The following HIP1R variants were observed in gnomAD, a reference collection of about 807,000 sequenced individuals.
HIP1R encodes huntingtin-interacting protein 1-related protein.
In HIP1R, 135 loss-of-function variants were observed where a neutral mutation model predicts 144.2. The observed-to-expected ratio is 0.94, with a 90% CI of 0.81 to 1.08. HIP1R has a LOEUF of 1.08. Ranked by LOEUF, HIP1R falls within the 50% of genes least tolerant of loss-of-function variation. HIP1R has a pLI of 0.00. For synonymous variants in HIP1R, 698 were observed against 612.8 expected (o/e 1.14, Z -2.05); for missense variants, 1,462 against 1,432.8 (o/e 1.02, Z -0.33).
chr12:122,839,526 A>C (rs1033821231), intron 1 of HIP1R, among the ~76,000 whole-genome samples: 4 of 152,220 alleles, frequency 2.6e-5, no homozygotes, highest in Non-Finnish European at 4.4e-5. Flanking sequence ...ATACATGCTT[A>C]GCATCCCCCG....
chr12:122,840,259 G>A lies in HIP1R; in HGVS notation c.93+4616G>A, dbSNP rs1478674490. Among the ~76,000 whole-genome samples the A allele has an allele frequency of 6.6e-6, 1 of 152,208 alleles. No individual in the cohort carries two copies. Among genetic ancestry groups the A allele is most frequent in the Non-Finnish European group, 1.5e-5 (1 of 68,050 alleles). Reference sequence around the variant, plus strand: ...CTCCCTGTCTCTGATGTGTTTTGATGCCCATGACACATTCCTGAGCGCCGC... The same window carrying A: ...CTCCCTGTCTCTGATGTGTTTTGATACCCATGACACATTCCTGAGCGCCGC... On this transcript the variant is annotated intron_variant, in intron 1 of 31. Transcript: ENST00000253083. The surrounding 1 kb of genome is among the most constrained non-coding windows in gnomAD (Gnocchi z 4.2).
chr12:122,852,540 G>A (rs1036514856), intron 7 of HIP1R, among the ~76,000 whole-genome samples: 1 of 152,172 alleles, frequency 6.6e-6, no homozygotes, highest in African/African-American at 2.4e-5. Flanking sequence ...TTCCCACCTG[G>A]TGACGCTGGT....
rs370204053 is a variant in HIP1R at position 122,858,425 on chromosome 12, C to T, written c.2040C>T (p.Thr680=). 3 of 1,605,972 alleles carry T rather than the reference C, an allele frequency of 1.9e-6. No individual in the cohort carries two copies. Among genetic ancestry groups the T allele is most frequent in the South Asian group, 1.1e-5 (1 of 90,508 alleles). The stretch of plus-strand genomic sequence containing the variant: ...AGGAGGGCCACGCCCAGTACCTGAC[C>T]TCCTTGGCAGGTGAGTGTAGCCAGG... ...TLEEGHAQYL[T]SLADASALVA... The change falls in exon 20 of 32, where the codon ACC becomes ACT. Residue 680 remains threonine (T), a synonymous_variant. Coordinates refer to ENST00000253083, the MANE Select transcript of HIP1R (RefSeq NM_003959.3).
intron 17 of HIP1R, 143 bp downstream of exon 17, chr12:122,856,869 A>G (rs890152785): frequency 2.9e-6 from 3 of 1,017,724 alleles, no homozygotes; most frequent in Admixed American, 2.2e-5. Flanking sequence ...CAGGGGCTAC[A>G]TGGGAGACAG....
chr12:122,859,312 A>C (rs551029128), intron 22 of HIP1R, 114 bp from the exon 23 acceptor site: 8 of 1,473,126 alleles, frequency 5.4e-6, no homozygotes, highest in Non-Finnish European at 7.5e-6. Context: ...CTCAGGACAC[A>C]GGGTGGGGAC....
At chr12:122,861,099 C>T in intron 29 of HIP1R, 32 bp from the exon 30 acceptor site, 1 of 1,613,468 alleles carries the variant, frequency 6.2e-7, no homozygotes, top group Non-Finnish European at 8.5e-7. Flanking sequence ...GGTGGGTGCC[C>T]AGATGTTCAC....
rs369312749 is a variant in HIP1R, at chr12:122,858,123, C to T, written c.1837C>T (p.Arg613Trp). The T allele has an allele frequency of 2.6e-5, 41 of 1,592,722 alleles. No homozygotes were observed. In the Admixed American group the frequency reaches 3.0e-4, roughly 12 times the overall value. ...CCAGGAGTCTCAGGAGCAGGGGCTG[C>T]GGCAGAGGCTGCTGGACGAGCAGTT... ...AERESQEQGL[R>W]QRLLDEQFAV... The change falls in exon 19 of 32, where the codon CGG becomes TGG. Residue 613 changes from arginine (R) to tryptophan (W), a missense_variant. By Grantham distance (101) the Arg-to-Trp change is moderately radical. Transcript: ENST00000253083.
rs200832097 is a variant in HIP1R at position 122,860,949 on chromosome 12, C to T, written c.2800C>T (p.Arg934Cys). The change falls in exon 29 of 32, where the codon CGC (arginine) becomes TGC (cysteine). Residue 934 changes from arginine to cysteine, a missense_variant. This residue lies in a region of HIP1R where 1,112 missense variants were observed against 1,011.7 expected (regional missense o/e 1.10). Transcript: ENST00000253083. ...CAACAAGCACAGCCCCCACCTGAGC[C>T]GCCTGCAGGAATGTTCTCGCACAGT... ...KANKHSPHLS[R>C]LQECSRTVNE... 9.6e-5 allele frequency: 155 copies of T among 1,613,282 alleles called. No homozygotes were observed. The East Asian group carries it at 1.3e-3, about 14-fold the overall frequency.
intron 23 of HIP1R, 43 bp downstream of exon 23, chr12:122,859,579 T>C (rs1283044032): frequency 5.9e-6 from 9 of 1,524,848 alleles, no homozygotes; most frequent in Non-Finnish European, 8.1e-6. Flanking sequence ...CTGTGGAGCT[T>C]TGGGGGCCGG....
At chr12:122,846,361 T>C (rs1255276680) in intron 1 of HIP1R, among the ~76,000 whole-genome samples, 2 of 152,184 alleles carry the variant, frequency 1.3e-5, no homozygotes, top group African/African-American at 2.4e-5. Context: ...GGAAAATGGG[T>C]TAGTCACCAC....
At position 122,854,620 on chromosome 12, in the gene HIP1R, G is replaced by A. The variant is rs551306193; in HGVS notation, c.719-285G>A. ...GTGTCAGCCTGGGACCAACGTGTTT[G>A]GTGAAAGCGGCTTGCTAGTGCCTCC... On this transcript the variant is annotated intron_variant, in intron 8 of 31. Transcript: ENST00000253083. Among the ~76,000 whole-genome samples, 6 of 152,358 alleles carry A rather than the reference G, an allele frequency of 3.9e-5. No homozygotes were observed. The South Asian group carries it at 1.0e-3, about 26-fold the overall frequency.
intron 1 of HIP1R, among the ~76,000 whole-genome samples, chr12:122,847,682 C>T (rs1301647764): frequency 2.0e-5 from 3 of 152,182 alleles, no homozygotes; most frequent in Non-Finnish European, 2.9e-5. Flanking sequence ...GAGATGGGGC[C>T]GGAGGACACC....
chr12:122,853,217 T>C (rs1235725184), intron 7 of HIP1R, among the ~76,000 whole-genome samples: 3 of 150,442 alleles, frequency 2.0e-5, no homozygotes, highest in East Asian at 3.9e-4. Context: ...AAGGCCCGAT[T>C]GTCAGGGGCA....
At chr12:122,858,516 G>T in intron 20 of HIP1R, 81 bp downstream of exon 20, 1 of 1,190,118 alleles carries the variant, frequency 8.4e-7, no homozygotes, top group Admixed American at 2.4e-5. Flanking sequence ...CTTTTGGGAG[G>T]TTTACAGACA....
intron 1 of HIP1R, 61 bp downstream of exon 1, chr12:122,835,704 C>T: frequency 2.9e-6 from 3 of 1,031,016 alleles, no homozygotes; most frequent in Non-Finnish European, 3.5e-6. Flanking sequence ...AGCGGCGTCC[C>T]TGACCCCTCA....
rs2033784363 is a variant in HIP1R, at chr12:122,861,948, G to C, written c.*195G>C. 1.8e-6 allele frequency: 1 copy of C among 554,590 alleles called. No homozygotes were observed. Among genetic ancestry groups the C allele is most frequent in the Non-Finnish European group, 3.2e-6 (1 of 315,634 alleles). The allele number at this position is 554,590 out of a possible 1,614,324, so 34.4% of individuals were successfully genotyped here. ...CCATGTGGGTGGTGCTTCTGGATGT[G>C]AGTCTCTTATTTATCTGCAGAAGGA... On this transcript the variant is annotated 3_prime_UTR_variant, in exon 32 of 32. Coordinates refer to ENST00000253083, the MANE Select transcript of HIP1R (RefSeq NM_003959.3).
At chr12:122,854,302 A>G in intron 8 of HIP1R, 119 bp downstream of exon 8, 1 of 681,038 alleles carries the variant, frequency 1.5e-6, no homozygotes, top group Non-Finnish European at 2.2e-6. Flanking sequence ...GGCAGTAATA[A>G]ACCCACTGCC....
At chr12:122,834,954 AG>A, upstream of HIP1R, 1 of 1,289,238 alleles carries the variant, frequency 7.8e-7, no homozygotes, top group African/African-American at 1.5e-5. Context: ...AGACTCATGG[AG>A]GCCAGATTTT....
chr12:122,838,370 T>C (rs1418671627), intron 1 of HIP1R, among the ~76,000 whole-genome samples: 1 of 152,038 alleles, frequency 6.6e-6, no homozygotes, highest in Non-Finnish European at 1.5e-5. Context: ...ACTTTTATTG[T>C]CTTGTTGCTG....
Sources: gnomAD v4.1 joint callset for allele counts (sites outside exome capture counted in the v4.1 genomes callset) on GRCh38, gnomAD v4.1.1 for gene constraint, gnomAD v4.1.1 regional missense constraint, Gnocchi (gnomAD v3.1) non-coding constraint, MANE v1.5 for transcripts, NCBI Gene and HGNC (gene_info 2026-07-23, HGNC 2026-07-21) for gene names.